SAA1: variants seen among roughly 807,000 people sequenced by gnomAD.
SAA1 encodes serum amyloid A-1 protein.
A neutral mutation model predicts 9.8 loss-of-function variants in SAA1; 4 were observed. That is an observed-to-expected ratio of 0.41 (90% CI 0.20 to 0.93). SAA1 has a LOEUF of 0.93. Ranked by LOEUF, SAA1 falls within the 40% of genes least tolerant of loss-of-function variation. The pLI, the probability that SAA1 is intolerant of heterozygous loss-of-function variation, is 0.33. For missense variants in SAA1, 114 were observed against 155.5 expected, an observed-to-expected ratio of 0.73 and a Z score of 1.42; for synonymous variants, 47 against 57.7, an observed-to-expected ratio of 0.82 and a Z score of 0.84.
intron 2 of SAA1, among the ~76,000 whole-genome samples, chr11:18,268,371 A>T (rs1450267437): frequency 6.6e-6 from 1 of 151,448 alleles, no homozygotes; most frequent in African/African-American, 2.4e-5. Flanking sequence ...GACTCCATCT[A>T]AAAAAAATGA....
chr11:18,268,939 T>C (rs4757635), intron 2 of SAA1, among the ~76,000 whole-genome samples: 16,178 of 149,880 alleles, frequency 0.11, 1,044 homozygotes, highest in Middle Eastern at 0.17. Flanking sequence ...TCCATGTCAC[T>C]ACCTCATTCA....
rs1193783697 is a variant in SAA1 at position 18,269,748 on chromosome 11, G to C, written c.262G>C (p.Gly88Arg). The C allele has an allele frequency of 3.1e-6, 5 of 1,613,998 alleles. No homozygotes were observed. The highest frequency in any genetic ancestry group is 3.4e-6 in the Non-Finnish European group (4 of 1,179,894). The change falls in exon 4 of 4, where the codon GGC becomes CGC. Residue 88 changes from glycine (G) to arginine (R), a missense_variant. Gly to Arg is a moderately radical substitution (Grantham distance 125). Transcript: ENST00000356524. ...CAGAGAGAATATCCAGAGATTCTTT[G>C]GCCATGGTGCGGAGGACTCGCTGGC... ...DARENIQRFF[G>R]HGAEDSLADQ...
At chr11:18,268,236 G>A (rs1285096973) in intron 2 of SAA1, among the ~76,000 whole-genome samples, 1 of 151,744 alleles carries the variant, frequency 6.6e-6, no homozygotes, top group Admixed American at 6.6e-5. Context: ...GCCAGGCGTG[G>A]TGGCAGGCAC....
Position 18,268,176 on chromosome 11 carries a change from G to T in SAA1, c.92-1019G>T, listed in dbSNP as rs149716228. Among the ~76,000 whole-genome samples, 619 of 151,950 alleles carry T rather than the reference G, an allele frequency of 4.1e-3. 1 individual carries two copies. The highest frequency in any genetic ancestry group is 6.5e-3 in the Non-Finnish European group (440 of 67,944). On this transcript the variant is annotated intron_variant, in intron 2 of 3. Transcript: ENST00000356524. ...ACTTGAGGTCATGAGTTCCGGAGCA[G>T]CCTGGCCAACATGGTGAAACCCCGT...
rs186482186 is a variant in SAA1, at chr11:18,268,327, G to A, written c.92-868G>A. 4.2e-3 allele frequency among the ~76,000 whole-genome samples: 639 copies of A among 152,032 alleles called. 4 individuals carry two copies. Among genetic ancestry groups the A allele is most frequent in the Non-Finnish European group, 6.6e-3 (447 of 67,982 alleles). ...GCAGAGGTTGCAGTGACTAGAGATC[G>A]CACCAGTGTCCTCCAACCTGGGTGA... On this transcript the variant is annotated intron_variant, in intron 2 of 3. Coordinates refer to ENST00000356524, the MANE Select transcript of SAA1 (RefSeq NM_199161.5).
intron 3 of SAA1, 74 bp from the exon 4 acceptor site, chr11:18,269,643 C>T (rs1445377951): frequency 6.4e-7 from 1 of 1,570,340 alleles, no homozygotes; most frequent in Non-Finnish European, 8.7e-7. Flanking sequence ...TCCCTTGGAA[C>T]AGGGAGAATG....
At chr11:18,268,949 A>T (rs1375492895) in intron 2 of SAA1, among the ~76,000 whole-genome samples, 1 of 151,650 alleles carries the variant, frequency 6.6e-6, no homozygotes, top group Non-Finnish European at 1.5e-5. Context: ...TACCTCATTC[A>T]TACACACTCC....
chr11:18,269,405 C>A (rs763500884), intron 3 of SAA1, 72 bp downstream of exon 3: 9 of 1,520,098 alleles, frequency 5.9e-6, no homozygotes, highest in Non-Finnish European at 7.0e-6. Flanking sequence ...AGGAGGGAGA[C>A]GAGCTCCTTG....
chr11:18,267,090 G>C (rs1858056554), intron 2 of SAA1, 112 bp downstream of exon 2: 1 of 907,690 alleles, frequency 1.1e-6, no homozygotes, highest in Non-Finnish European at 1.6e-6. Context: ...AGAGTTGCTA[G>C]TGTCTGCGTT....
chr11:18,266,810 T>C, intron 1 of SAA1, 74 bp from the exon 2 acceptor site: 1 of 1,249,590 alleles, frequency 8.0e-7, no homozygotes, highest in East Asian at 2.4e-5. Flanking sequence ...AACCAGGCTC[T>C]CGTCGGAATA....
Position 18,269,928 on chromosome 11 carries a change from G to A in SAA1, c.*73G>A, listed in dbSNP as rs1164153813. ...GGGCAGGGATACAAAGCGGGGAGAG[G>A]GTACACAATGGGTATCTAATAAATA... On this transcript the variant is annotated 3_prime_UTR_variant, in exon 4 of 4. Transcript: ENST00000356524. The A allele has an allele frequency of 6.3e-7, 1 of 1,588,130 alleles. No homozygotes were observed. Among genetic ancestry groups the A allele is most frequent in the African/African-American group, 1.3e-5 (1 of 74,200 alleles).
At chr11:18,268,603 GCA>G (rs1858105764) in intron 2 of SAA1, among the ~76,000 whole-genome samples, 1 of 152,148 alleles carries the variant, frequency 6.6e-6, no homozygotes, top group African/African-American at 2.4e-5. Context: ...GGAGGCCAAG[GCA>G]GGGGGATCAC....
At chr11:18,268,055 C>T (rs1858085562) in intron 2 of SAA1, among the ~76,000 whole-genome samples, 1 of 152,078 alleles carries the variant, frequency 6.6e-6, no homozygotes, top group Admixed American at 6.5e-5. Context: ...GTGGCCTGGG[C>T]ACTGGGACTT....
rs1195469123 is a variant in SAA1, at chr11:18,266,886, C to A, written c.-2C>A. On this transcript the variant is annotated splice_region_variant and 5_prime_UTR_variant, in exon 2 of 4. Coordinates refer to ENST00000356524, the MANE Select transcript of SAA1 (RefSeq NM_199161.5). ...CCTGACTTCTCCTTTCATTTCAGCA[C>A]CATGAAGCTTCTCACGGGCCTGGTT... 3 of 1,612,270 alleles carry A rather than the reference C, an allele frequency of 1.9e-6. No homozygotes were observed. In the South Asian group the frequency reaches 3.3e-5, roughly 18 times the overall value.
At chr11:18,269,691 C>T in intron 3 of SAA1, 26 bp from the exon 4 acceptor site, 1 of 1,613,238 alleles carries the variant, frequency 6.2e-7, no homozygotes, top group Non-Finnish European at 8.5e-7. Context: ...GATTATTAAT[C>T]TCCTTCTTGC....
At chr11:18,268,831 T>TAAAA (rs371021832) in intron 2 of SAA1, among the ~76,000 whole-genome samples, 77 of 110,582 alleles carry the variant, frequency 7.0e-4, no homozygotes, top group African/African-American at 1.4e-3. Flanking sequence ...AGACTCTGTC[T>TAAAA]AAAAAAAAAA....
At chr11:18,268,162 T>G (rs958391891) in intron 2 of SAA1, among the ~76,000 whole-genome samples, 1 of 151,354 alleles carries the variant, frequency 6.6e-6, no homozygotes, top group Non-Finnish European at 1.5e-5. Flanking sequence ...CTTGAGGTCA[T>G]GAGTTCCGGA....
rs370273658 is a variant in SAA1 at position 18,268,998 on chromosome 11, C to T, written c.92-197C>T. ...AGGCAGCTTCATTCTATAGCAGTGG[C>T]TCTTCACCAGGGCACTTGAAGAAGC... On this transcript the variant is annotated intron_variant, in intron 2 of 3. Coordinates refer to ENST00000356524, the MANE Select transcript of SAA1 (RefSeq NM_199161.5). Among the ~76,000 whole-genome samples the T allele has an allele frequency of 4.3e-3, 649 of 152,232 alleles. 5 individuals carry two copies. The highest frequency in any genetic ancestry group is 0.015 in the African/African-American group (618 of 41,518).
chr11:18,266,986 T>C lies in SAA1; in HGVS notation c.91+8T>C. 1 of 1,578,572 alleles carries C rather than the reference T, an allele frequency of 6.3e-7. No individual in the cohort carries two copies. Among genetic ancestry groups the C allele is most frequent in the Non-Finnish European group, 8.6e-7 (1 of 1,158,586 alleles). On this transcript the variant is annotated splice_region_variant and intron_variant, in intron 2 of 3. Transcript: ENST00000356524. ...TTGGCGAGGCTTTTGATGGTAAGGC[T>C]TCAGAAGGTTTGCAGGATTTCTGAA...
Sources: allele counts gnomAD v4.1 joint callset (sites outside exome capture counted in the v4.1 genomes callset), GRCh38; gene constraint gnomAD v4.1.1; transcripts MANE v1.5; gene names NCBI Gene and HGNC (gene_info 2026-07-23, HGNC 2026-07-21).